Variants in LRFN2 observed in about 807,000 individuals in gnomAD.
LRFN2 encodes the protein leucine rich repeat and fibronectin type III domain containing 2.
A neutral mutation model predicts 37.3 loss-of-function variants in LRFN2; 18 were observed. The observed-to-expected ratio is 0.48, with a 90% CI of 0.33 to 0.72. The LOEUF is 0.72. Among genes scored for constraint, LRFN2 ranks in the 30% least tolerant of loss-of-function variants. LRFN2 has a pLI of 0.02. For missense variants in LRFN2, 1,006 were observed against 1,060.7 expected (o/e 0.95, Z 0.72); for synonymous variants, 556 against 466.6 (o/e 1.19, Z -2.47).
chr6:40,443,101 A>C (rs1210370119), intron 1 of LRFN2, among the ~76,000 whole-genome samples: 1 of 152,180 alleles, frequency 6.6e-6, no homozygotes, highest in African/African-American at 2.4e-5. Context: ...GTGGGTGGCC[A>C]GGCTGGGCTG....
At chr6:40,461,640 C>G (rs1764351115) in intron 1 of LRFN2, among the ~76,000 whole-genome samples, 1 of 143,456 alleles carries the variant, frequency 7.0e-6, no homozygotes, top group South Asian at 2.2e-4. Context: ...TTTGGGGAGA[C>G]AGAATACACG....
At chr6:40,404,998 G>C (rs1762812093) in intron 2 of LRFN2, among the ~76,000 whole-genome samples, 1 of 152,166 alleles carries the variant, frequency 6.6e-6, no homozygotes, top group Admixed American at 6.5e-5. Flanking sequence ...CCTTCCCAAG[G>C]CTTGGCCCCA....
intron 1 of LRFN2, among the ~76,000 whole-genome samples, chr6:40,435,057 A>G (rs1414741608): frequency 9.1e-5 from 8 of 87,786 alleles, no homozygotes; most frequent in African/African-American, 4.4e-4. Context: ...ATATATAGAG[A>G]GAGAGAGAGA....
chr6:40,535,792 A>T (rs1168750746), intron 1 of LRFN2, among the ~76,000 whole-genome samples: 2 of 152,078 alleles, frequency 1.3e-5, no homozygotes, highest in Non-Finnish European at 2.9e-5. Flanking sequence ...CCATCTCATC[A>T]CTGTTCTCAG....
rs1763488876 is a variant in LRFN2 at position 40,431,716 on chromosome 6, G to C, written c.1398C>G (p.Tyr466Ter). 2 of 1,511,382 alleles carry C rather than the reference G, an allele frequency of 1.3e-6. No individual in the cohort carries two copies. The highest frequency in any genetic ancestry group is 1.8e-6 in the Non-Finnish European group (2 of 1,130,332). The allele number at this position is 1,511,382 out of a possible 1,614,324, so 93.6% of individuals were successfully genotyped here. ...YNCSDDEVLI[Y>*]RMIPASNKAF... ...CTTTGCCACAGCCGCTTGCTCACCT[G>C]TAAATCAGTACCTCATCGTCAGAGC... The change falls in exon 2 of 3, where the codon TAC becomes TAG. Residue 466 changes from tyrosine (Y) to a stop codon, truncating the protein, a stop_gained and splice_region_variant. Transcript: ENST00000338305. LOFTEE classifies it high-confidence loss of function.
intron 1 of LRFN2, among the ~76,000 whole-genome samples, chr6:40,540,238 T>C (rs749917803): frequency 5.9e-5 from 9 of 152,204 alleles, no homozygotes; most frequent in Non-Finnish European, 1.3e-4. Context: ...AAATAAAACA[T>C]TCAGAACAGG....
intron 1 of LRFN2, among the ~76,000 whole-genome samples, chr6:40,449,895 A>G (rs924018281): frequency 1.8e-4 from 28 of 152,138 alleles, no homozygotes; most frequent in Admixed American, 1.4e-3. Flanking sequence ...AAAAAATTCT[A>G]TCTCATTTGG....
chr6:40,411,024 G>A (rs1762954454), intron 2 of LRFN2, among the ~76,000 whole-genome samples: 1 of 152,246 alleles, frequency 6.6e-6, no homozygotes, highest in South Asian at 2.1e-4. Flanking sequence ...GTCCCTGGAG[G>A]ATGGCCATAT....
intron 1 of LRFN2, among the ~76,000 whole-genome samples, chr6:40,465,307 C>T (rs74768670): frequency 0.014 from 2,181 of 152,218 alleles, 52 homozygotes; most frequent in East Asian, 0.077. Context: ...ACTACAGAAC[C>T]GTCGGATCAT....
At chr6:40,586,640 C>T (rs1767508462) in intron 1 of LRFN2, among the ~76,000 whole-genome samples, 1 of 152,168 alleles carries the variant, frequency 6.6e-6, no homozygotes, top group African/African-American at 2.4e-5. Context: ...TCCATCCACC[C>T]GTGGCTCCCC....
intron 1 of LRFN2, among the ~76,000 whole-genome samples, chr6:40,573,114 G>A (rs1012931000): frequency 3.3e-5 from 5 of 152,234 alleles, no homozygotes; most frequent in African/African-American, 1.2e-4. Flanking sequence ...AACTCCTGAT[G>A]AAATCTAATC....
At chr6:40,524,969 C>G (rs970015025) in intron 1 of LRFN2, among the ~76,000 whole-genome samples, 1 of 152,220 alleles carries the variant, frequency 6.6e-6, no homozygotes, top group Non-Finnish European at 1.5e-5. Flanking sequence ...GAACTCGGTT[C>G]TAGTCTTGGC....
At chr6:40,493,194 G>A (rs1765133894) in intron 1 of LRFN2, among the ~76,000 whole-genome samples, 1 of 152,096 alleles carries the variant, frequency 6.6e-6, no homozygotes, top group Non-Finnish European at 1.5e-5. Context: ...TCAGGGATGG[G>A]AAGTGTGTCC....
At chr6:40,528,247 C>T (rs1240356217) in intron 1 of LRFN2, among the ~76,000 whole-genome samples, 13 of 152,366 alleles carry the variant, frequency 8.5e-5, no homozygotes, top group Middle Eastern at 3.4e-3. Flanking sequence ...TCCCCACTGG[C>T]GGCCTGCCGA....
chr6:40,452,993 T>C (rs1764147066), intron 1 of LRFN2, among the ~76,000 whole-genome samples: 1 of 152,216 alleles, frequency 6.6e-6, no homozygotes, highest in Non-Finnish European at 1.5e-5. Context: ...TAAGAGTGAC[T>C]CTTTGCTAGG....
chr6:40,512,157 G>A lies in LRFN2; in HGVS notation c.-19+74784C>T, dbSNP rs562926106. ...TCCAACCCCCTTAAGGAGAACTGAC[G>A]TGTCCCGCGCACTTGACTTAAGAGA... is the stretch of plus-strand genomic sequence containing the variant. On this transcript the variant is annotated intron_variant, in intron 1 of 2. Transcript: ENST00000338305. Among the ~76,000 whole-genome samples the A allele has an allele frequency of 9.9e-5, 15 of 152,284 alleles. No homozygotes were observed. The South Asian group carries it at 1.9e-3, about 19-fold the overall frequency.
intron 1 of LRFN2, among the ~76,000 whole-genome samples, chr6:40,470,690 C>T (rs553510220): frequency 4.6e-5 from 7 of 152,300 alleles, no homozygotes; most frequent in African/African-American, 1.7e-4. Context: ...GGCAGAGCAG[C>T]CAGTGGTGAG....
At chr6:40,566,983 GT>G (rs1464966387) in intron 1 of LRFN2, among the ~76,000 whole-genome samples, 1 of 152,180 alleles carries the variant, frequency 6.6e-6, no homozygotes, top group Non-Finnish European at 1.5e-5. Context: ...CTTAAAGTAT[GT>G]TGACAGTAGG....
chr6:40,516,695 C>T (rs1170700365), intron 1 of LRFN2, among the ~76,000 whole-genome samples: 1 of 152,210 alleles, frequency 6.6e-6, no homozygotes, highest in Non-Finnish European at 1.5e-5. Flanking sequence ...CTCTCACACA[C>T]CCCCTCCACA....
Sources: gnomAD v4.1 joint callset for allele counts (sites outside exome capture counted in the v4.1 genomes callset) on GRCh38, gnomAD v4.1.1 for gene constraint, MANE v1.5 for transcripts, NCBI Gene and HGNC (gene_info 2026-07-23, HGNC 2026-07-21) for gene names.